The following THSD7A variants were observed in gnomAD, a reference collection of about 807,000 sequenced individuals.
The protein encoded by THSD7A is thrombospondin type-1 domain-containing protein 7A.
THSD7A carries 96 observed loss-of-function variants against 231.3 expected under a neutral mutation model. That is an observed-to-expected ratio of 0.41 (90% CI 0.35 to 0.49). The LOEUF is 0.49. Ranked by LOEUF, THSD7A falls within the 20% of genes least tolerant of loss-of-function variation. The probability of loss-of-function intolerance (pLI) is 0.05; values close to 1 mark genes in which losing one functional copy is unlikely to be tolerated. For synonymous variants in THSD7A, 940 were observed against 743.3 expected, an observed-to-expected ratio of 1.26 and a Z score of -4.30; for missense variants, 2,290 against 2,070.2, an observed-to-expected ratio of 1.11 and a Z score of -2.06.
chr7:11,647,743 T>C (rs1782336505), intron 1 of THSD7A, among the ~76,000 whole-genome samples: 1 of 152,090 alleles, frequency 6.6e-6, no homozygotes, highest in African/African-American at 2.4e-5. Flanking sequence ...TTGCTAAGAA[T>C]GAATTGCTGT....
chr7:11,671,324 T>A (rs1195607421), intron 1 of THSD7A, among the ~76,000 whole-genome samples: 1 of 152,262 alleles, frequency 6.6e-6, no homozygotes, highest in Middle Eastern at 3.4e-3. Flanking sequence ...ATAAAACAGT[T>A]TATTTTTCAG....
At chr7:11,562,029 T>C (rs1196602193) in intron 4 of THSD7A, among the ~76,000 whole-genome samples, 2 of 152,284 alleles carry the variant, frequency 1.3e-5, no homozygotes, top group East Asian at 1.9e-4. Context: ...GGAAGTCTAG[T>C]ACAGGGAATA....
chr7:11,817,480 T>C (rs1012730626), intron 1 of THSD7A, among the ~76,000 whole-genome samples: 5 of 152,198 alleles, frequency 3.3e-5, no homozygotes, highest in African/African-American at 1.2e-4. Context: ...CTGTTGACTC[T>C]GACCAGAGGT....
chr7:11,591,214 A>G (rs1185087834), intron 3 of THSD7A, among the ~76,000 whole-genome samples: 1 of 149,292 alleles, frequency 6.7e-6, no homozygotes, highest in Non-Finnish European at 1.5e-5. Context: ...TGCATGATGC[A>G]AAGAGCTGGC....
At chr7:11,827,028 G>A (rs1455235680) in intron 1 of THSD7A, among the ~76,000 whole-genome samples, 1 of 151,904 alleles carries the variant, frequency 6.6e-6, no homozygotes, top group Non-Finnish European at 1.5e-5. Flanking sequence ...TTTAGAGACA[G>A]GATCTTGCTC....
At chr7:11,601,853 C>T (rs73676040) in intron 2 of THSD7A, among the ~76,000 whole-genome samples, 11,498 of 152,196 alleles carry the variant, frequency 0.076, 989 homozygotes, top group East Asian at 0.25. Context: ...TAGTCCCATT[C>T]CATAGAATAG....
In THSD7A at chr7:11,778,156, C is replaced by CAAAAAAAAAAAAAAAAAA. The variant is rs57740181; in HGVS notation, c.190+53583_190+53600dup. ...TGGGCGACAGAGCGAGACTCCGTCTCAAAAAAAAAAAAAAAAAAAAAAGAA... is the reference window on the plus strand; with the variant it reads ...TGGGCGACAGAGCGAGACTCCGTCTCAAAAAAAAAAAAAAAAAAAAAAAAAAAAAAAAAAAAAAAAGAA... On this transcript the variant is annotated intron_variant, in intron 1 of 27. Transcript: ENST00000423059. Among the ~76,000 whole-genome samples, 139 of 45,012 alleles carry CAAAAAAAAAAAAAAAAAA rather than the reference C, an allele frequency of 3.1e-3. 2 individuals carry two copies. The highest frequency in any genetic ancestry group is 4.3e-3 in the Non-Finnish European group (98 of 22,892). The allele number at this position is 45,012 out of a possible 152,430, so 29.5% of individuals were successfully genotyped here. A position where few individuals can be genotyped will look rare whatever the true frequency, so the allele number is the denominator to read the frequency against.
chr7:11,645,200 T>C (rs532235054), intron 1 of THSD7A, among the ~76,000 whole-genome samples: 1 of 151,998 alleles, frequency 6.6e-6, no homozygotes, highest in Admixed American at 6.6e-5. Context: ...ACTTTTAACA[T>C]AATAATTTCC....
intron 6 of THSD7A, among the ~76,000 whole-genome samples, chr7:11,527,822 A>T (rs916922665): frequency 6.6e-6 from 1 of 152,088 alleles, no homozygotes; most frequent in African/African-American, 2.4e-5. Flanking sequence ...CAATGAAGAG[A>T]CTTTACTGGT....
intron 1 of THSD7A, among the ~76,000 whole-genome samples, chr7:11,655,859 T>A (rs1482499034): frequency 1.3e-5 from 2 of 151,916 alleles, no homozygotes; most frequent in Non-Finnish European, 2.9e-5. Flanking sequence ...GCCATGGTCA[T>A]TGTTTGCATA....
At chr7:11,403,570 G>GAATGTA (rs1393161773) in intron 22 of THSD7A, among the ~76,000 whole-genome samples, 1 of 152,118 alleles carries the variant, frequency 6.6e-6, no homozygotes, top group African/African-American at 2.4e-5. Context: ...CTGTCAATAT[G>GAATGTA]AATGTAATAA....
chr7:11,608,178 A>G (rs1177979368), intron 2 of THSD7A, among the ~76,000 whole-genome samples: 1 of 152,084 alleles, frequency 6.6e-6, no homozygotes, highest in African/African-American at 2.4e-5. Context: ...ACTACCTACC[A>G]CACTTCAAAA....
chr7:11,428,958 G>A lies in THSD7A; in HGVS notation c.3232C>T (p.His1078Tyr). 1 of 1,605,102 alleles carries A rather than the reference G, an allele frequency of 6.2e-7. No homozygotes were observed. Among genetic ancestry groups the A allele is most frequent in the Non-Finnish European group, 8.5e-7 (1 of 1,176,474 alleles). ...NGGRPCPKLD[H>Y]VNQAQVYEVV... ...ATGATAGAAAATACCTGGTTGACAT[G>A]GTCCAGTTTGGGGCAAGGCCTTCCT... Residue 1078 changes from histidine to tyrosine, a missense_variant, in exon 14 of 28, where the codon CAT becomes TAT. Physicochemically the swap from His to Tyr is moderately conservative, Grantham distance 83. Coordinates refer to ENST00000423059, the MANE Select transcript of THSD7A (RefSeq NM_015204.3).
intron 2 of THSD7A, among the ~76,000 whole-genome samples, chr7:11,616,237 T>C (rs571324292): frequency 2.0e-5 from 3 of 152,318 alleles, no homozygotes; most frequent in African/African-American, 7.2e-5. Context: ...TTGCTACTCC[T>C]TTCTTCATAA....
intron 6 of THSD7A, among the ~76,000 whole-genome samples, chr7:11,485,277 T>C (rs960689983): frequency 1.3e-5 from 2 of 152,182 alleles, no homozygotes; most frequent in African/African-American, 4.8e-5. Context: ...CCATTTATTG[T>C]CTTCTGGTTT....
intron 24 of THSD7A, 95 bp from the exon 25 acceptor site, chr7:11,379,807 C>T (rs1782438789): frequency 7.5e-7 from 1 of 1,326,694 alleles, no homozygotes; most frequent in African/African-American, 1.5e-5. Flanking sequence ...CTTGAACCAC[C>T]TTGGGAATCC....
intron 1 of THSD7A, among the ~76,000 whole-genome samples, chr7:11,819,686 A>C (rs73676203): frequency 0.02 from 3,115 of 152,310 alleles, 107 homozygotes; most frequent in African/African-American, 0.071. Flanking sequence ...TAGAAGGAGC[A>C]CAGGGAATTT....
At chr7:11,820,102 A>T (rs559346685) in intron 1 of THSD7A, among the ~76,000 whole-genome samples, 69 of 146,390 alleles carry the variant, frequency 4.7e-4, no homozygotes, top group African/African-American at 1.8e-3. Flanking sequence ...TCCGCTCAAG[A>T]GCTGGGCCTG....
chr7:11,532,094 C>T (rs1322293555), intron 6 of THSD7A, among the ~76,000 whole-genome samples: 1 of 151,978 alleles, frequency 6.6e-6, no homozygotes. Flanking sequence ...TATCTTGAGA[C>T]CACCTAGAAA....
Sources: allele counts gnomAD v4.1 joint callset (sites outside exome capture counted in the v4.1 genomes callset), GRCh38; gene constraint gnomAD v4.1.1; transcripts MANE v1.5; gene names NCBI Gene and HGNC (gene_info 2026-07-23, HGNC 2026-07-21).